FSTL4: variants seen among roughly 807,000 people sequenced by gnomAD.
FSTL4 encodes follistatin like 4, also known as follistatin-related protein 4.
FSTL4 carries 28 observed loss-of-function variants against 78.2 expected under a neutral mutation model. The observed-to-expected ratio is 0.36, with a 90% CI of 0.27 to 0.49. FSTL4 has a LOEUF of 0.49. FSTL4 is among the 20% of genes least tolerant of loss of function. The pLI is 0.98. For synonymous variants in FSTL4, 422 were observed against 440.5 expected (o/e 0.96, Z 0.53); for missense variants, 922 against 1,084.9 (o/e 0.85, Z 2.11).
chr5:133,424,383 A>AG (rs1180638507), intron 3 of FSTL4, among the ~76,000 whole-genome samples: 1 of 152,178 alleles, frequency 6.6e-6, no homozygotes, highest in Non-Finnish European at 1.5e-5. Flanking sequence ...CTTGAGAGAG[A>AG]CACAACCCGA....
chr5:133,327,317 G>T (rs1178450624), intron 4 of FSTL4, among the ~76,000 whole-genome samples: 1 of 152,236 alleles, frequency 6.6e-6, no homozygotes, highest in Non-Finnish European at 1.5e-5. Flanking sequence ...AGGGTAGCAA[G>T]TATGGGGTGA....
chr5:133,571,270 G>C (rs148018540), intron 2 of FSTL4, among the ~76,000 whole-genome samples: 15 of 152,268 alleles, frequency 9.9e-5, no homozygotes, highest in African/African-American at 3.1e-4. Context: ...AGTAGATAAA[G>C]ATGATATTCC....
intron 3 of FSTL4, among the ~76,000 whole-genome samples, chr5:133,526,110 T>C (rs947770098): frequency 6.6e-6 from 1 of 152,272 alleles, no homozygotes; most frequent in Middle Eastern, 3.4e-3. Flanking sequence ...CCTAGCACTG[T>C]GATTTTCTAA....
the FSTL4 span, among the ~76,000 whole-genome samples, chr5:133,735,174 A>G: frequency 6.6e-6 from 1 of 152,280 alleles, no homozygotes; most frequent in South Asian, 2.1e-4. Context: ...AATTTAGAAA[A>G]AAAAGGCCGG....
chr5:133,660,178 G>C, the FSTL4 span, among the ~76,000 whole-genome samples: 2 of 152,172 alleles, frequency 1.3e-5, no homozygotes, highest in Non-Finnish European at 2.9e-5. Flanking sequence ...TATTTACTAA[G>C]CAGTCACTGT....
intron 4 of FSTL4, among the ~76,000 whole-genome samples, chr5:133,380,666 C>T (rs1755547013): frequency 1.3e-5 from 2 of 151,834 alleles, no homozygotes; most frequent in South Asian, 4.1e-4. Context: ...TGTTCCAACA[C>T]ATTCTGTGAC....
chr5:133,302,311 G>A (rs917243399), intron 6 of FSTL4, among the ~76,000 whole-genome samples: 7 of 152,094 alleles, frequency 4.6e-5, no homozygotes, highest in Non-Finnish European at 1.0e-4. Context: ...GGCTGCACTT[G>A]TGATGACCTT....
At chr5:133,409,834 G>A (rs1756442959) in intron 3 of FSTL4, among the ~76,000 whole-genome samples, 2 of 152,324 alleles carry the variant, frequency 1.3e-5, no homozygotes. Flanking sequence ...TGGAAAGAGT[G>A]GAGACTGTAG....
chr5:133,701,468 AACACACAC>A, the FSTL4 span, among the ~76,000 whole-genome samples: 9,138 of 129,058 alleles, frequency 0.071, 429 homozygotes, highest in Middle Eastern at 0.16. Flanking sequence ...AAGACACAGA[AACACACAC>A]ACACACACAC....
At chr5:133,301,153 C>G (rs527410087) in intron 6 of FSTL4, among the ~76,000 whole-genome samples, 2 of 152,352 alleles carry the variant, frequency 1.3e-5, no homozygotes, top group Admixed American at 1.3e-4. Flanking sequence ...AGCCCACCCT[C>G]TGCCCACCCC....
the FSTL4 span, among the ~76,000 whole-genome samples, chr5:133,626,557 A>C: frequency 6.6e-6 from 1 of 150,952 alleles, no homozygotes; most frequent in African/African-American, 2.4e-5. Flanking sequence ...GAACTGCTTT[A>C]TGTCCCATAA....
chr5:133,552,343 G>A (rs904167248), intron 3 of FSTL4, among the ~76,000 whole-genome samples: 2 of 152,188 alleles, frequency 1.3e-5, no homozygotes, highest in Admixed American at 1.3e-4. Flanking sequence ...AACACACTTA[G>A]TCTCGCTATG....
chr5:133,211,372 T>C (rs1484002989), intron 13 of FSTL4, among the ~76,000 whole-genome samples: 7 of 152,180 alleles, frequency 4.6e-5, no homozygotes, highest in Non-Finnish European at 8.8e-5. Flanking sequence ...GTCACTAAGT[T>C]TGGTGCCTTC....
Position 133,361,320 on chromosome 5 carries a change from T to C in FSTL4, c.409+39418A>G, listed in dbSNP as rs75818055. 0.02 allele frequency among the ~76,000 whole-genome samples: 3,095 copies of C among 152,330 alleles called. 114 individuals carry two copies. Among genetic ancestry groups the C allele is most frequent in the African/African-American group, 0.071 (2,944 of 41,568 alleles). On this transcript the variant is annotated intron_variant, in intron 4 of 15. Transcript: ENST00000265342. The surrounding 1 kb of genome is among the most constrained non-coding windows in gnomAD (Gnocchi z 4.3). ...CCCTTACCTCTGCCCCTTTGTATGT[T>C]ATCTTGAGATTTCGCGGTTGACTGC... is the stretch of plus-strand genomic sequence containing the variant.
chr5:133,770,753 C>G, the FSTL4 span, among the ~76,000 whole-genome samples: 2 of 151,764 alleles, frequency 1.3e-5, no homozygotes, highest in Admixed American at 6.6e-5. Flanking sequence ...TTTTGTTATT[C>G]TTGTTGTTGT....
chr5:133,364,670 T>C (rs1755143802), intron 4 of FSTL4, among the ~76,000 whole-genome samples: 1 of 152,232 alleles, frequency 6.6e-6, no homozygotes. Flanking sequence ...TCTCTTAGCA[T>C]GTAGAATTTC....
At chr5:133,631,203 G>A in the FSTL4 span, among the ~76,000 whole-genome samples, 1 of 151,902 alleles carries the variant, frequency 6.6e-6, no homozygotes, top group African/African-American at 2.4e-5. Flanking sequence ...TCATGAGAGT[G>A]AACAGGCAAC....
chr5:133,813,998 C>G, the FSTL4 span, among the ~76,000 whole-genome samples: 1 of 152,160 alleles, frequency 6.6e-6, no homozygotes, highest in African/African-American at 2.4e-5. Context: ...CAAATCTCTC[C>G]CCTGACTCCT....
At chr5:133,685,848 A>G in the FSTL4 span, among the ~76,000 whole-genome samples, 1 of 152,132 alleles carries the variant, frequency 6.6e-6, no homozygotes, top group Non-Finnish European at 1.5e-5. Flanking sequence ...GCACACCCTC[A>G]CTGTGTCCCA....
Sources: gnomAD v4.1 joint callset for allele counts (sites outside exome capture counted in the v4.1 genomes callset) on GRCh38, gnomAD v4.1.1 for gene constraint, Gnocchi (gnomAD v3.1) non-coding constraint, MANE v1.5 for transcripts, NCBI Gene and HGNC (gene_info 2026-07-23, HGNC 2026-07-21) for gene names.